Variants in NLGN1 observed in about 807,000 individuals in gnomAD.
NLGN1 encodes the protein neuroligin 1.
Under a neutral mutation model 65.5 loss-of-function variants are expected in NLGN1, and 12 were observed. The ratio of observed to expected loss-of-function variants is 0.18; its 90% CI spans 0.12 to 0.30. The LOEUF is 0.30. Among genes scored for constraint, NLGN1 ranks in the 10% least tolerant of loss-of-function variants. The pLI, the probability that NLGN1 is intolerant of heterozygous loss-of-function variation, is 1.00. For synonymous variants in NLGN1, 350 were observed against 359.5 expected (o/e 0.97, Z 0.30); for missense variants, 750 against 1,007.1 (o/e 0.74, Z 3.46).
chr3:174,195,332 ATGTT>A (rs966187467), intron 4 of NLGN1, among the ~76,000 whole-genome samples: 1 of 152,236 alleles, frequency 6.6e-6, no homozygotes, highest in African/African-American at 2.4e-5. Flanking sequence ...TTTGAAAAAT[ATGTT>A]TGATGATATT....
intron 4 of NLGN1, among the ~76,000 whole-genome samples, chr3:174,198,698 A>C (rs904058961): frequency 1.3e-5 from 2 of 152,032 alleles, no homozygotes; most frequent in African/African-American, 4.8e-5. Flanking sequence ...CTATGTTTCA[A>C]TTCATTATTT....
At chr3:174,176,366 T>C (rs1295367002) in intron 4 of NLGN1, among the ~76,000 whole-genome samples, 2 of 151,908 alleles carry the variant, frequency 1.3e-5, no homozygotes, top group East Asian at 3.9e-4. Context: ...TTACTGTCAT[T>C]GGTTAATTCT....
At chr3:174,103,533 T>A (rs1713027588) in intron 4 of NLGN1, among the ~76,000 whole-genome samples, 1 of 152,114 alleles carries the variant, frequency 6.6e-6, no homozygotes, top group Admixed American at 6.6e-5. Flanking sequence ...GGTTTTTTAT[T>A]GGCAATTAAA....
chr3:174,031,632 T>G (rs1316486927), intron 4 of NLGN1, among the ~76,000 whole-genome samples: 1 of 152,116 alleles, frequency 6.6e-6, no homozygotes, highest in African/African-American at 2.4e-5. Context: ...TCTTAAAAAT[T>G]TTGTAAATCA....
chr3:174,051,369 A>G (rs1444372392), intron 4 of NLGN1, among the ~76,000 whole-genome samples: 2 of 152,146 alleles, frequency 1.3e-5, no homozygotes, highest in East Asian at 3.9e-4. Context: ...CAAGTCCTGG[A>G]TTTCACTGAT....
At chr3:174,192,938 T>C (rs1211163197) in intron 4 of NLGN1, among the ~76,000 whole-genome samples, 1 of 152,030 alleles carries the variant, frequency 6.6e-6, no homozygotes, top group Non-Finnish European at 1.5e-5. Flanking sequence ...TTTTGTTTTT[T>C]AATGTCGTTT....
At chr3:173,811,911 G>A (rs973332125) in intron 4 of NLGN1, among the ~76,000 whole-genome samples, 1 of 151,974 alleles carries the variant, frequency 6.6e-6, no homozygotes, top group African/African-American at 2.4e-5. Flanking sequence ...TACTTTTGGA[G>A]TAAAAGAAAA....
intron 2 of NLGN1, among the ~76,000 whole-genome samples, chr3:173,496,056 C>G (rs1016766641): frequency 6.6e-6 from 1 of 151,606 alleles, no homozygotes; most frequent in African/African-American, 2.4e-5. Flanking sequence ...CATCTCCTGT[C>G]AGCTTTTGCA....
chr3:173,650,208 C>T (rs1044719035), intron 3 of NLGN1, among the ~76,000 whole-genome samples: 14 of 152,080 alleles, frequency 9.2e-5, no homozygotes, highest in Non-Finnish European at 1.0e-4. Flanking sequence ...TCTTCAGCTA[C>T]ATACTTCCTA....
intron 2 of NLGN1, among the ~76,000 whole-genome samples, chr3:173,472,500 A>G (rs1725476966): frequency 6.6e-6 from 1 of 152,084 alleles, no homozygotes; most frequent in East Asian, 1.9e-4. Flanking sequence ...AAATAATTAA[A>G]ATGGAGAATA....
At chr3:173,823,503 A>C (rs894304827) in intron 4 of NLGN1, among the ~76,000 whole-genome samples, 2 of 152,068 alleles carry the variant, frequency 1.3e-5, no homozygotes, top group Non-Finnish European at 2.9e-5. Context: ...AAACATCTCA[A>C]TTCACATGCT....
intron 3 of NLGN1, among the ~76,000 whole-genome samples, chr3:173,637,688 T>G (rs1756811278): frequency 6.6e-6 from 1 of 152,130 alleles, no homozygotes; most frequent in Non-Finnish European, 1.5e-5. Flanking sequence ...TCTGAGAAGC[T>G]TCCATGATAC....
intron 4 of NLGN1, among the ~76,000 whole-genome samples, chr3:173,934,104 A>G (rs1441220989): frequency 6.6e-6 from 1 of 151,656 alleles, no homozygotes; most frequent in Non-Finnish European, 1.5e-5. Flanking sequence ...CATATGTGCA[A>G]TAAAATAACT....
chr3:173,621,564 G>A (rs538729506), intron 3 of NLGN1, among the ~76,000 whole-genome samples: 17 of 152,154 alleles, frequency 1.1e-4, no homozygotes, highest in African/African-American at 3.4e-4. Flanking sequence ...AGGGTGGGCC[G>A]GGAATGGGAA....
At chr3:173,500,488 A>G (rs1730886096) in intron 2 of NLGN1, among the ~76,000 whole-genome samples, 1 of 152,134 alleles carries the variant, frequency 6.6e-6, no homozygotes, top group Admixed American at 6.5e-5. Flanking sequence ...ATCTATGTTC[A>G]TCAGGGATAT....
At chr3:173,851,627 C>A (rs908314858) in intron 4 of NLGN1, among the ~76,000 whole-genome samples, 1 of 152,076 alleles carries the variant, frequency 6.6e-6, no homozygotes, top group Non-Finnish European at 1.5e-5. Context: ...CTTATGAGGA[C>A]CAGACCCCGG....
chr3:174,128,951 T>TC (rs1414977291), intron 4 of NLGN1, among the ~76,000 whole-genome samples: 1 of 152,128 alleles, frequency 6.6e-6, no homozygotes, highest in African/African-American at 2.4e-5. Flanking sequence ...AAATTTCTCA[T>TC]CAGAATGCAT....
At chr3:173,752,518 C>A (rs1776450577) in intron 3 of NLGN1, among the ~76,000 whole-genome samples, 1 of 152,054 alleles carries the variant, frequency 6.6e-6, no homozygotes, top group Admixed American at 6.6e-5. Flanking sequence ...GTTGAATCAA[C>A]CAACTCTTCC....
At chr3:173,521,556 C>T (rs988629548) in intron 2 of NLGN1, among the ~76,000 whole-genome samples, 4 of 152,196 alleles carry the variant, frequency 2.6e-5, no homozygotes, top group Non-Finnish European at 5.9e-5. Context: ...ACTAATTTTT[C>T]AGATCACAAA....
Sources: allele counts gnomAD v4.1 joint callset (sites outside exome capture counted in the v4.1 genomes callset), GRCh38; gene constraint gnomAD v4.1.1; transcripts MANE v1.5; gene names NCBI Gene and HGNC (gene_info 2026-07-23, HGNC 2026-07-21).